Variants in IL22 observed in about 807,000 individuals in gnomAD.
IL22 encodes interleukin-22.
In IL22, 15 loss-of-function variants were observed where a neutral mutation model predicts 15.5. The observed-to-expected ratio is 0.97, with a 90% CI of 0.65 to 1.49. The LOEUF (loss-of-function observed/expected upper bound fraction) is 1.49, where lower values mean the gene tolerates loss of function less well. IL22 is among the 40% of genes most tolerant of loss of function. The pLI, the probability that IL22 is intolerant of heterozygous loss-of-function variation, is 0.00. For missense variants in IL22, 225 were observed against 215.4 expected (o/e 1.04, Z -0.28); for synonymous variants, 91 against 82.0 (o/e 1.11, Z -0.60).
rs1452338899 is a variant in IL22, at chr12:68,248,832, C to A, written c.507G>T (p.Leu169Phe). Residue 169 changes from leucine to phenylalanine, a missense_variant, in exon 6 of 6, where the codon TTG (leucine) becomes TTT (phenylalanine). By Grantham distance (22) the Leu-to-Phe change is conservative. Transcript: ENST00000538666. ...GEIKAIGELD[L>F]LFMSLRNACI ...AGGCATTTCTCAGAGACATAAACAG[C>A]AAATCCAGTTCTCCAATTGCTTTGA... 1.9e-6 allele frequency: 3 copies of A among 1,613,176 alleles called. No homozygotes were observed. The highest frequency in any genetic ancestry group is 2.5e-6 in the Non-Finnish European group (3 of 1,179,512).
chr12:68,252,379 T>G, intron 4 of IL22, 125 bp downstream of exon 4: 2 of 930,488 alleles, frequency 2.1e-6, no homozygotes, highest in Non-Finnish European at 1.7e-6. Context: ...CTGATAACAC[T>G]GCTGCCAAGA....
At chr12:68,251,032 C>T (rs944279414) in intron 5 of IL22, among the ~76,000 whole-genome samples, 7 of 152,220 alleles carry the variant, frequency 4.6e-5, no homozygotes, top group African/African-American at 1.7e-4. Context: ...TTTATTCTTC[C>T]AAGTTTCAAA....
In IL22 at chr12:68,252,489, G is replaced by A. The variant is rs1232466977; in HGVS notation, c.396+15C>T. On this transcript the variant is annotated intron_variant, in intron 4 of 5. Transcript: ENST00000538666. ...AAGGAGGGGTAGGTGGGCATAGGCT[G>A]AGAGCTGAACTTACACATGTGCTTA... 9.3e-6 allele frequency: 15 copies of A among 1,613,042 alleles called. No homozygotes were observed. Among genetic ancestry groups the A allele is most frequent in the African/African-American group, 2.7e-5 (2 of 74,874 alleles).
intron 5 of IL22, among the ~76,000 whole-genome samples, chr12:68,249,593 G>GA (rs1452069285): frequency 6.6e-6 from 1 of 152,108 alleles, no homozygotes; most frequent in Non-Finnish European, 1.5e-5. Flanking sequence ...ACTTTTGTGG[G>GA]AAAAATACCA....
At chr12:68,252,868 C>A (rs773430816) in intron 2 of IL22, 39 bp from the exon 3 acceptor site, 4 of 1,566,470 alleles carry the variant, frequency 2.6e-6, no homozygotes, top group South Asian at 1.1e-5. Context: ...GGACATTGAG[C>A]AAATAGAAAA....
At position 68,251,589 on chromosome 12, in the gene IL22, A is replaced by G. The variant is rs535846593; in HGVS notation, c.397-11T>C. The G allele has an allele frequency of 6.3e-6, 10 of 1,587,936 alleles. No homozygotes were observed. The highest frequency in any genetic ancestry group is 1.1e-5 in the South Asian group (1 of 90,500). ...ATCACCTTCAATATGCTATAAAACA[A>G]TAACAAGCATAACTATCTTAATGTT... is the stretch of plus-strand genomic sequence containing the variant. On this transcript the variant is annotated splice_polypyrimidine_tract_variant and intron_variant, in intron 4 of 5. Coordinates refer to ENST00000538666, the MANE Select transcript of IL22 (RefSeq NM_020525.5).
In IL22 at chr12:68,248,756, C is replaced by T; in HGVS notation, c.*43G>A. 6.7e-7 allele frequency: 1 copy of T among 1,487,444 alleles called. No individual in the cohort carries two copies. The highest frequency in any genetic ancestry group is 9.3e-7 in the Non-Finnish European group (1 of 1,076,264). The allele number at this position is 1,487,444 out of a possible 1,614,324, so 92.1% of individuals were successfully genotyped here. A position where few individuals can be genotyped will look rare whatever the true frequency, so the allele number is the denominator to read the frequency against. On this transcript the variant is annotated 3_prime_UTR_variant, in exon 6 of 6. Transcript: ENST00000538666. Reference sequence around the variant, plus strand: ...TGGGGCATCTAATTGTTATTTCTAGCAGGGAAAGGGGGTTAGTTATTCATT... The same window carrying T: ...TGGGGCATCTAATTGTTATTTCTAGTAGGGAAAGGGGGTTAGTTATTCATT...
chr12:68,253,408 C>A lies in IL22; in HGVS notation c.41G>T (p.Gly14Val), dbSNP rs954383211. ...LQKSVSSFLM[G>V]TLATSCLLLL... ...AAGGAGGCAGCTGGTGGCCAGGGTCCCCATAAGGAAAGAGCTCACAGATTT... is the reference window on the plus strand; with the variant it reads ...AAGGAGGCAGCTGGTGGCCAGGGTCACCATAAGGAAAGAGCTCACAGATTT... The change falls in exon 2 of 6, where the codon GGG becomes GTG. Residue 14 changes from glycine to valine, a missense_variant. Physicochemically the swap from Gly to Val is moderately radical, Grantham distance 109. Transcript: ENST00000538666. 6.2e-7 allele frequency: 1 copy of A among 1,610,724 alleles called. No homozygotes were observed. The highest frequency in any genetic ancestry group is 1.1e-5 in the South Asian group (1 of 90,588).
intron 4 of IL22, among the ~76,000 whole-genome samples, chr12:68,252,134 A>G (rs550134424): frequency 6.6e-6 from 1 of 151,920 alleles, no homozygotes; most frequent in Non-Finnish European, 1.5e-5. Flanking sequence ...TTTCTCTTCT[A>G]ATTTCTCTCC....
In IL22 at chr12:68,253,360, C is replaced by T; in HGVS notation, c.89G>A (p.Gly30Glu). 2 of 1,613,722 alleles carry T rather than the reference C, an allele frequency of 1.2e-6. No homozygotes were observed. Among genetic ancestry groups the T allele is most frequent in the East Asian group, 4.5e-5 (2 of 44,858 alleles). ...CLLLLALLVQ[G>E]GAAAPISSHC... ...GGAGCTGATGGGCGCAGCTGCTCCT[C>T]CCTGTACCAAGAGGGCCAAGAGAAG... Residue 30 changes from glycine to glutamate, a missense_variant, in exon 2 of 6, where the codon GGA becomes GAA. Physicochemically the swap from Gly to Glu is moderately conservative, Grantham distance 98. Coordinates refer to ENST00000538666, the MANE Select transcript of IL22 (RefSeq NM_020525.5).
chr12:68,252,047 T>A (rs990248131), intron 4 of IL22, among the ~76,000 whole-genome samples: 1 of 152,086 alleles, frequency 6.6e-6, no homozygotes, highest in Non-Finnish European at 1.5e-5. Flanking sequence ...ACGCCTCCGA[T>A]TTTGTGGCTT....
chr12:68,252,504 A>G lies in IL22; in HGVS notation c.396T>C (p.Cys132=). Residue 132 remains cysteine, a splice_region_variant and synonymous_variant, in exon 4 of 6, where the codon TGT becomes TGC. Coordinates refer to ENST00000538666, the MANE Select transcript of IL22 (RefSeq NM_020525.5). The part of the protein sequence containing the change: ...LARLSNRLST[C]HIEGDDLHIQ... ...GGCATAGGCTGAGAGCTGAACTTAC[A>G]CATGTGCTTAGCCTGTTGCTGAGCC... 6.2e-7 allele frequency: 1 copy of G among 1,613,660 alleles called. No individual in the cohort carries two copies. The highest frequency in any genetic ancestry group is 8.5e-7 in the Non-Finnish European group (1 of 1,179,904).
At chr12:68,250,972 C>T (rs1303744344) in intron 5 of IL22, among the ~76,000 whole-genome samples, 1 of 152,076 alleles carries the variant, frequency 6.6e-6, no homozygotes. Flanking sequence ...GTTTATTACT[C>T]CAGAAATTAG....
intron 5 of IL22, 30 bp downstream of exon 5, chr12:68,251,482 AT>A: frequency 6.7e-7 from 1 of 1,500,250 alleles, no homozygotes; most frequent in Non-Finnish European, 9.3e-7. Context: ...CTCCTATTGC[AT>A]GACTTAGCAT....
chr12:68,248,829 C>G lies in IL22; in HGVS notation c.510G>C (p.Leu170=), dbSNP rs199546412. Residue 170 remains leucine (L), a synonymous_variant, in exon 6 of 6, where the codon CTG becomes CTC. Transcript: ENST00000538666. ...EIKAIGELDL[L]FMSLRNACI ...TGCAGGCATTTCTCAGAGACATAAA[C>G]AGCAAATCCAGTTCTCCAATTGCTT... The G allele has an allele frequency of 1.9e-6, 3 of 1,613,106 alleles. No individual in the cohort carries two copies. The highest frequency in any genetic ancestry group is 2.5e-6 in the Non-Finnish European group (3 of 1,179,488).
chr12:68,251,683 A>G lies in IL22; in HGVS notation c.397-105T>C, dbSNP rs921294799. 5.7e-6 allele frequency: 5 copies of G among 870,952 alleles called. No individual in the cohort carries two copies. The African/African-American group carries it at 6.7e-5, about 12-fold the overall frequency. 54.0% of individuals were successfully genotyped at this position (870,952 alleles called of 1,614,324 possible). On this transcript the variant is annotated intron_variant, in intron 4 of 5. Coordinates refer to ENST00000538666, the MANE Select transcript of IL22 (RefSeq NM_020525.5). ...CAATTCACCTGGAATTAAAGCTCTT[A>G]GTAATTTTGCCCACAATGACCTAGA...
Position 68,253,426 on chromosome 12 carries a change from A to G in IL22, c.23T>C (p.Val8Ala). MAALQKS[V>A]SSFLMGTLAT... is the part of the protein sequence containing the mutation. ...CAGGGTCCCCATAAGGAAAGAGCTC[A>G]CAGATTTCTGCAGGGCGGCCATTGC... The change falls in exon 2 of 6, where the codon GTG (valine) becomes GCG (alanine). Residue 8 changes from valine to alanine, a missense_variant. Physicochemically the swap from Val to Ala is moderately conservative, Grantham distance 64. Coordinates refer to ENST00000538666, the MANE Select transcript of IL22 (RefSeq NM_020525.5). 1 of 1,605,928 alleles carries G rather than the reference A, an allele frequency of 6.2e-7. No homozygotes were observed. Among genetic ancestry groups the G allele is most frequent in the Non-Finnish European group, 8.5e-7 (1 of 1,175,292 alleles).
At chr12:68,250,896 G>T (rs537647689) in intron 5 of IL22, among the ~76,000 whole-genome samples, 5 of 152,204 alleles carry the variant, frequency 3.3e-5, no homozygotes. Context: ...AGAGATCGGG[G>T]TTGTCTGCTC....
Position 68,253,473 on chromosome 12 carries a change from C to T in IL22, c.-25G>A. 1.3e-6 allele frequency: 2 copies of T among 1,529,104 alleles called. 1 individual carries two copies. Among genetic ancestry groups the T allele is most frequent in the Admixed American group, 3.9e-5 (2 of 51,652 alleles). 94.7% of individuals were successfully genotyped at this position (1,529,104 alleles called of 1,614,324 possible). A position where few individuals can be genotyped will look rare whatever the true frequency, so the allele number is the denominator to read the frequency against. On this transcript the variant is annotated 5_prime_UTR_variant, in exon 2 of 6. Transcript: ENST00000538666. ...TTGCAGACAATTCTAACTCGAGCAA[C>T]TGGTGACTGGGGAAGGAGAACCTGG...
Sources: gnomAD v4.1 joint callset for allele counts (sites outside exome capture counted in the v4.1 genomes callset) on GRCh38, gnomAD v4.1.1 for gene constraint, MANE v1.5 for transcripts, NCBI Gene and HGNC (gene_info 2026-07-23, HGNC 2026-07-21) for gene names.